PSEN1: variants seen among roughly 807,000 people sequenced by gnomAD.
PSEN1 encodes the protein presenilin-1.
Under a neutral mutation model 53.5 loss-of-function variants are expected in PSEN1, and 15 were observed. The ratio of observed to expected loss-of-function variants is 0.28; its 90% CI spans 0.19 to 0.43. PSEN1 has a LOEUF of 0.43. Ranked by LOEUF, PSEN1 falls within the 20% of genes least tolerant of loss-of-function variation. The probability of loss-of-function intolerance (pLI) is 1.00; values close to 1 mark genes in which losing one functional copy is unlikely to be tolerated. For missense variants in PSEN1, 387 were observed against 571.2 expected, an observed-to-expected ratio of 0.68 and a Z score of 3.29; for synonymous variants, 208 against 209.8, an observed-to-expected ratio of 0.99 and a Z score of 0.08.
rs760244944 is a variant in PSEN1 at position 73,219,112 on chromosome 14, G to A, written c.1249-22G>A. The A allele has an allele frequency of 3.1e-6, 5 of 1,612,760 alleles. No homozygotes were observed. The Admixed American group carries it at 5.0e-5, about 16-fold the overall frequency. ...CTTTCATAATTATGTGTGAATGTGT[G>A]TCTTTCCCATCTTCTCCACAGGGTT... is the stretch of plus-strand genomic sequence containing the variant. On this transcript the variant is annotated intron_variant, in intron 11 of 11. Transcript: ENST00000324501.
Position 73,221,722 on chromosome 14 carries a change from C to G in PSEN1, c.*2433C>G, listed in dbSNP as rs1395901915. 1.3e-5 allele frequency: 2 copies of G among 152,152 alleles called. No individual in the cohort carries two copies. The highest frequency in any genetic ancestry group is 2.9e-5 in the Non-Finnish European group (2 of 68,034). 9.4% of individuals were successfully genotyped at this position (152,152 alleles called of 1,614,324 possible). A position where few individuals can be genotyped will look rare whatever the true frequency, so the allele number is the denominator to read the frequency against. ...TCTTATTTCTTTAAATCATTCATCT[C>G]AGGCAGAGAACTTTTCCCTCAAACA... On this transcript the variant is annotated 3_prime_UTR_variant, in exon 12 of 12. Transcript: ENST00000324501.
intron 3 of PSEN1, among the ~76,000 whole-genome samples, chr14:73,149,730 T>G (rs773375606): frequency 2.0e-5 from 3 of 152,206 alleles, no homozygotes; most frequent in Non-Finnish European, 4.4e-5. Flanking sequence ...TACCAGAGTA[T>G]AATCAAATTG....
chr14:73,151,325 T>C (rs1462836116), intron 3 of PSEN1, among the ~76,000 whole-genome samples: 2 of 152,220 alleles, frequency 1.3e-5, no homozygotes, highest in African/African-American at 2.4e-5. Flanking sequence ...TTCATTAGTC[T>C]GTGTGCACTT....
rs756576165 is a variant in PSEN1, at chr14:73,148,094, T to C, written c.75T>C (p.Thr25=). ...CTGAGGACAACCACCTGAGCAATAC[T>C]GTACGTAGCCAGGTACAGTGTCAGT... ...QMSEDNHLSN[T]VRSQNDNRER... Residue 25 remains threonine, a synonymous_variant, in exon 3 of 12, where the codon ACT becomes ACC. Coordinates refer to ENST00000324501, the MANE Select transcript of PSEN1 (RefSeq NM_000021.4). 6.2e-7 allele frequency: 1 copy of C among 1,613,066 alleles called. No homozygotes were observed. Among genetic ancestry groups the C allele is most frequent in the Admixed American group, 1.7e-5 (1 of 59,990 alleles).
Position 73,216,898 on chromosome 14 carries a change from TAAC to T in PSEN1, c.1130-226_1130-224del, listed in dbSNP as rs1899939215. Among the ~76,000 whole-genome samples, 3 of 152,310 alleles carry T rather than the reference TAAC, an allele frequency of 2.0e-5. No homozygotes were observed. The South Asian group carries it at 6.2e-4, about 32-fold the overall frequency. ...ATTACTTATTATTGTTATTGATAAA[TAAC>T]AGCAGCATCTACAGTTAAGACTCCA... is the stretch of plus-strand genomic sequence containing the variant. On this transcript the variant is annotated intron_variant, in intron 10 of 11. Coordinates refer to ENST00000324501, the MANE Select transcript of PSEN1 (RefSeq NM_000021.4).
intron 9 of PSEN1, among the ~76,000 whole-genome samples, chr14:73,209,371 C>T (rs1051066718): frequency 8.5e-5 from 13 of 152,230 alleles, no homozygotes; most frequent in African/African-American, 3.1e-4. Flanking sequence ...AAGAAATATA[C>T]TGGAAAGAAT....
chr14:73,188,512 T>C (rs1183442506), intron 6 of PSEN1, among the ~76,000 whole-genome samples: 1 of 152,066 alleles, frequency 6.6e-6, no homozygotes, highest in Non-Finnish European at 1.5e-5. Flanking sequence ...TAGCCAGTTG[T>C]GGTGTGTGCA....
intron 1 of PSEN1, among the ~76,000 whole-genome samples, chr14:73,143,988 T>TAAA (rs530235019): frequency 1.9e-4 from 10 of 53,192 alleles, no homozygotes; most frequent in African/African-American, 7.2e-4. Flanking sequence ...CCTTGTCTCT[T>TAAA]AAAAAAAAAA....
chr14:73,141,488 T>A (rs1896924058), intron 1 of PSEN1, among the ~76,000 whole-genome samples: 1 of 152,182 alleles, frequency 6.6e-6, no homozygotes, highest in African/African-American at 2.4e-5. Context: ...GTTTAAAAAT[T>A]TTTTTTATTA....
intron 5 of PSEN1, 183 bp downstream of exon 5, chr14:73,173,890 C>T: frequency 1.3e-6 from 1 of 751,876 alleles, no homozygotes; most frequent in Admixed American, 2.1e-5. Context: ...AAGCCAGGTG[C>T]ATGTGTAATG....
chr14:73,168,875 T>C (rs1034032734), intron 3 of PSEN1: 3 of 152,272 alleles, frequency 2.0e-5, no homozygotes, highest in Non-Finnish European at 4.4e-5. Flanking sequence ...GTAACACACT[T>C]GGATGCTGCT....
At chr14:73,155,225 G>A (rs749845608) in intron 3 of PSEN1, among the ~76,000 whole-genome samples, 7 of 152,144 alleles carry the variant, frequency 4.6e-5, no homozygotes, top group Non-Finnish European at 1.0e-4. Context: ...AGGGTCTCTT[G>A]ACTAAACAGT....
At position 73,222,033 on chromosome 14, in the gene PSEN1, T is replaced by A. The variant is rs980084416; in HGVS notation, c.*2744T>A. On this transcript the variant is annotated 3_prime_UTR_variant, in exon 12 of 12. Coordinates refer to ENST00000324501, the MANE Select transcript of PSEN1 (RefSeq NM_000021.4). ...ATAAAGGGTATTTATGGACAGAATG[T>A]CATTACATGCCTATGGGAATACCAA... The A allele has an allele frequency of 6.6e-6, 1 of 152,208 alleles. No individual in the cohort carries two copies. Among genetic ancestry groups the A allele is most frequent in the Non-Finnish European group, 1.5e-5 (1 of 68,034 alleles). 9.4% of individuals were successfully genotyped at this position (152,208 alleles called of 1,614,324 possible).
At chr14:73,205,231 C>T (rs1419540439) in intron 8 of PSEN1, among the ~76,000 whole-genome samples, 1 of 152,108 alleles carries the variant, frequency 6.6e-6, no homozygotes, top group Non-Finnish European at 1.5e-5. Context: ...AATCCCAGCA[C>T]TTTGGGAGGC....
At chr14:73,139,143 C>T (rs542084378) in intron 1 of PSEN1, among the ~76,000 whole-genome samples, 1 of 150,498 alleles carries the variant, frequency 6.6e-6, no homozygotes, top group Non-Finnish European at 1.5e-5. Flanking sequence ...ATTAGCCAGA[C>T]ATGGTGCCAG....
chr14:73,161,821 A>G (rs1897547260), intron 3 of PSEN1, among the ~76,000 whole-genome samples: 2 of 152,074 alleles, frequency 1.3e-5, no homozygotes, highest in African/African-American at 2.4e-5. Context: ...ATTAGCGGAA[A>G]CTTGTTGGCA....
At chr14:73,209,431 A>T (rs1489828535) in intron 9 of PSEN1, among the ~76,000 whole-genome samples, 2 of 152,254 alleles carry the variant, frequency 1.3e-5, no homozygotes, top group African/African-American at 2.4e-5. Flanking sequence ...AAAGAAAATC[A>T]AATGATTGTC....
intron 5 of PSEN1, among the ~76,000 whole-genome samples, chr14:73,183,905 G>A (rs1898321475): frequency 6.8e-6 from 1 of 146,088 alleles, no homozygotes. Context: ...CTCCCGGGCG[G>A]GGCGGCTGGC....
chr14:73,192,297 T>C (rs1898751709), intron 6 of PSEN1, among the ~76,000 whole-genome samples: 1 of 151,958 alleles, frequency 6.6e-6, no homozygotes, highest in Non-Finnish European at 1.5e-5. Flanking sequence ...AAAAATTAGC[T>C]GGGCATAGTG....
Sources: allele counts gnomAD v4.1 joint callset (sites outside exome capture counted in the v4.1 genomes callset), GRCh38; gene constraint gnomAD v4.1.1; transcripts MANE v1.5; gene names NCBI Gene and HGNC (gene_info 2026-07-23, HGNC 2026-07-21).